The following SIGLEC9 variants were observed in gnomAD, a reference collection of about 807,000 sequenced individuals.
SIGLEC9 encodes the protein sialic acid-binding Ig-like lectin 9.
SIGLEC9 carries 26 observed loss-of-function variants against 38.3 expected under a neutral mutation model. That is an observed-to-expected ratio of 0.68 (90% CI 0.50 to 0.94). The LOEUF (loss-of-function observed/expected upper bound fraction) is 0.94, where lower values mean the gene tolerates loss of function less well. Among genes scored for constraint, SIGLEC9 ranks in the 40% least tolerant of loss-of-function variants. SIGLEC9 has a pLI of 0.00. For missense variants in SIGLEC9, 556 were observed against 585.7 expected (o/e 0.95, Z 0.52); for synonymous variants, 236 against 248.0 (o/e 0.95, Z 0.45).
upstream of SIGLEC9, among the ~76,000 whole-genome samples, chr19:51,122,202 T>C (rs184687264): frequency 2.2e-4 from 34 of 152,274 alleles, no homozygotes; most frequent in Non-Finnish European, 3.5e-4. This position sits in a 1 kb window ranked among gnomAD's most constrained non-coding sequence, Gnocchi z 4.1. Flanking sequence ...TGCGTCAATA[T>C]GACCCACTCC....
upstream of SIGLEC9, chr19:51,120,659 C>A: frequency 5.9e-6 from 1 of 168,512 alleles, no homozygotes. This position sits in a 1 kb window ranked among gnomAD's most constrained non-coding sequence, Gnocchi z 4.1. Context: ...AGTTCTCAGC[C>A]TTATCCCACA....
At chr19:51,134,599 A>G (rs913174574), downstream of SIGLEC9, among the ~76,000 whole-genome samples, 3 of 152,232 alleles carry the variant, frequency 2.0e-5, no homozygotes, top group Non-Finnish European at 4.4e-5. Context: ...AAACTCTTAA[A>G]TGATGAAAGC....
upstream of SIGLEC9, among the ~76,000 whole-genome samples, chr19:51,123,517 G>A (rs749254357): frequency 6.6e-6 from 1 of 152,202 alleles, no homozygotes; most frequent in Non-Finnish European, 1.5e-5. Flanking sequence ...CCCAGGGAGC[G>A]ACTGGGCAAA....
chr19:51,127,148 G>A lies in SIGLEC9; in HGVS notation c.867G>A (p.Trp289Ter), dbSNP rs2091983824. The change falls in exon 4 of 7, where the codon TGG becomes TGA. Residue 289 changes from tryptophan to a stop codon, truncating the protein, a stop_gained. Transcript: ENST00000250360. LOFTEE classifies it high-confidence loss of function. Reference protein sequence around the residue: ...SNPPARLSLSWRGLTLCPSQP... With the variant: ...SNPPARLSLS ...CCCCTGCCAGGCTGAGCCTGAGCTG[G>A]AGAGGCCTGACCCTGTGCCCCTCAC... 6.2e-7 allele frequency: 1 copy of A among 1,614,124 alleles called. No individual in the cohort carries two copies. Among genetic ancestry groups the A allele is most frequent in the African/African-American group, 1.3e-5 (1 of 74,930 alleles).
intron 6 of SIGLEC9, among the ~76,000 whole-genome samples, 191 bp from the exon 7 acceptor site, chr19:51,129,700 C>G (rs555702015): frequency 1.8e-4 from 28 of 152,258 alleles, no homozygotes; most frequent in African/African-American, 6.7e-4. Flanking sequence ...AAGGTGCACA[C>G]CACCACACCT....
chr19:51,136,154 G>C, exon 7 of SIGLEC9: 1 of 703,700 alleles, frequency 1.4e-6, no homozygotes, highest in Non-Finnish European at 2.6e-6. Context: ...GCTTTTGGAT[G>C]TGTCAGATTT....
At chr19:51,120,697 C>T, upstream of SIGLEC9, 1 of 188,250 alleles carries the variant, frequency 5.3e-6, no homozygotes. The surrounding 1 kb of genome is among the most constrained non-coding windows in gnomAD (Gnocchi z 4.1). Context: ...GCAACCTCAC[C>T]TGTCAGGTGA....
At chr19:51,127,553 G>A (rs1013153249) in intron 4 of SIGLEC9, among the ~76,000 whole-genome samples, 2 of 152,106 alleles carry the variant, frequency 1.3e-5, no homozygotes, top group South Asian at 4.1e-4. Flanking sequence ...GGAGACAAGC[G>A]CCTTTCTTTG....
chr19:51,125,699 C>T lies in SIGLEC9; in HGVS notation c.524C>T (p.Pro175Leu), dbSNP rs2091973549. 1.2e-6 allele frequency: 2 copies of T among 1,613,862 alleles called. No individual in the cohort carries two copies. The highest frequency in any genetic ancestry group is 1.7e-6 in the Non-Finnish European group (2 of 1,179,982). The change falls in exon 2 of 7, where the codon CCC (proline) becomes CTC (leucine). Residue 175 changes from proline (P) to leucine (L), a missense_variant. Pro to Leu is a moderately conservative substitution (Grantham distance 98). Coordinates refer to ENST00000250360, the MANE Select transcript of SIGLEC9 (RefSeq NM_014441.3). ...CCCTGGGCCTGTGAGCAGGGGACAC[C>T]CCCTATGATCTCCTGGATAGGGACC... ...SVPWACEQGTPPMISWIGTSV... is the reference protein window; with the variant it reads ...SVPWACEQGTLPMISWIGTSV...
upstream of SIGLEC9, among the ~76,000 whole-genome samples, chr19:51,124,572 C>T (rs566289865): frequency 7.9e-5 from 12 of 152,268 alleles, no homozygotes; most frequent in South Asian, 1.9e-3. Context: ...GCCCCAAGTC[C>T]CACCTCTGAG....
rs748422618 is a variant in SIGLEC9 at position 51,125,061 on chromosome 19, G to C, written c.87G>C (p.Val29=). 5 of 1,614,094 alleles carry C rather than the reference G, an allele frequency of 3.1e-6. No individual in the cohort carries two copies. Among genetic ancestry groups the C allele is most frequent in the Non-Finnish European group, 4.2e-6 (5 of 1,179,980 alleles). ...TSKLLTMQSS[V]TVQEGLCVHV... ...AACTGCTGACGATGCAGAGTTCCGT[G>C]ACGGTGCAGGAAGGCCTGTGTGTCC... Residue 29 remains valine, a synonymous_variant, in exon 1 of 7, where the codon GTG becomes GTC. Coordinates refer to ENST00000250360, the MANE Select transcript of SIGLEC9 (RefSeq NM_014441.3).
At position 51,136,119 on chromosome 19, in the gene SIGLEC9, G is replaced by A. The variant is rs1247435799; in HGVS notation, c.1361G>A (p.Trp454Ter). ...AAGAACATTGCTGGGGAGATAGTGT[G>A]GTCACTTGAAGGTAAAATACTCTGG... The change falls in exon 7 of 7, where the codon TGG becomes TAG. Residue 454 changes from tryptophan to a stop codon, truncating the protein, a stop_gained. Transcript: ENST00000440804. LOFTEE classifies it high-confidence loss of function. The A allele has an allele frequency of 2.8e-6, 2 of 703,756 alleles. No individual in the cohort carries two copies. Among genetic ancestry groups the A allele is most frequent in the East Asian group, 5.4e-5 (2 of 37,286 alleles). The allele number at this position is 703,756 out of a possible 1,614,324, so 43.6% of individuals were successfully genotyped here.
intron 4 of SIGLEC9, 100 bp from the exon 5 acceptor site, chr19:51,127,849 G>T: frequency 1.4e-6 from 1 of 697,984 alleles, no homozygotes. Context: ...GTCTGGAAAG[G>T]GGAAGTGGAA....
At chr19:51,127,449 C>G (rs1197310887) in intron 4 of SIGLEC9, among the ~76,000 whole-genome samples, 153 bp downstream of exon 4, 1 of 152,180 alleles carries the variant, frequency 6.6e-6, no homozygotes, top group African/African-American at 2.4e-5. Context: ...CACAGCACCA[C>G]TGTCCTCTTC....
At position 51,125,762 on chromosome 19, in the gene SIGLEC9, C is replaced by T. The variant is rs141688796; in HGVS notation, c.587C>T (p.Ser196Leu). 1.4e-5 allele frequency: 23 copies of T among 1,614,052 alleles called. No individual in the cohort carries two copies. Among genetic ancestry groups the T allele is most frequent in the East Asian group, 1.1e-4 (5 of 44,864 alleles). Reference protein sequence around the residue: ...SPLDPSTTRSSVLTLIPQPQD... With the variant: ...SPLDPSTTRSLVLTLIPQPQD... Reference sequence around the variant, plus strand: ...CTGGACCCCTCCACCACCCGCTCCTCGGTGCTCACCCTCATCCCACAGCCC... The same window carrying T: ...CTGGACCCCTCCACCACCCGCTCCTTGGTGCTCACCCTCATCCCACAGCCC... The change falls in exon 2 of 7, where the codon TCG becomes TTG. Residue 196 changes from serine to leucine, a missense_variant. Coordinates refer to ENST00000250360, the MANE Select transcript of SIGLEC9 (RefSeq NM_014441.3).
rs201258479 is a variant in SIGLEC9 at position 51,125,885 on chromosome 19, G to A, written c.700+10G>A. ...CATCTCAACGTGTCCTGTGAGTGCT[G>A]GGCCGGGACGCCTGGGTCCCTGATG... is the stretch of plus-strand genomic sequence containing the variant. On this transcript the variant is annotated intron_variant, in intron 2 of 6. Coordinates refer to ENST00000250360, the MANE Select transcript of SIGLEC9 (RefSeq NM_014441.3). 1 of 1,613,976 alleles carries A rather than the reference G, an allele frequency of 6.2e-7. No individual in the cohort carries two copies. Among genetic ancestry groups the A allele is most frequent in the Admixed American group, 1.7e-5 (1 of 60,002 alleles).
downstream of SIGLEC9, among the ~76,000 whole-genome samples, chr19:51,134,147 CTTTTTTTTTTTTTTTTTTT>C (rs71185802): frequency 5.7e-3 from 377 of 66,544 alleles, 2 homozygotes; most frequent in African/African-American, 0.02. Flanking sequence ...TCTTTCTTTT[CTTTTTTTTTTTTTTTTTTT>C]TTTTTTTTGA....
At chr19:51,123,705 C>T (rs147904283), upstream of SIGLEC9, among the ~76,000 whole-genome samples, 14 of 152,236 alleles carry the variant, frequency 9.2e-5, no homozygotes, top group Non-Finnish European at 1.5e-4. Flanking sequence ...TTCTGTTTCT[C>T]TAAGCATGTT....
chr19:51,125,932 ACTGGGTG>A lies in SIGLEC9; in HGVS notation c.700+64_700+70del. Reference sequence around the variant, plus strand: ...GATGGGGTGAGCGTCAAGCCTGGACACTGGGTGCTGGGTCCCGGAATCTGGGCTGGTG... The same window carrying A: ...GATGGGGTGAGCGTCAAGCCTGGACACTGGGTCCCGGAATCTGGGCTGGTG... On this transcript the variant is annotated intron_variant, in intron 2 of 6. Coordinates refer to ENST00000250360, the MANE Select transcript of SIGLEC9 (RefSeq NM_014441.3). 4.4e-6 allele frequency: 7 copies of A among 1,606,692 alleles called. No homozygotes were observed. The South Asian group carries it at 7.7e-5, about 18-fold the overall frequency.
Sources: gnomAD v4.1 joint callset for allele counts (sites outside exome capture counted in the v4.1 genomes callset) on GRCh38, gnomAD v4.1.1 for gene constraint, Gnocchi (gnomAD v3.1) non-coding constraint, MANE v1.5 for transcripts, NCBI Gene and HGNC (gene_info 2026-07-23, HGNC 2026-07-21) for gene names.